The following SEMA5B variants were observed in gnomAD, a reference collection of about 807,000 sequenced individuals.
SEMA5B encodes semaphorin-5B.
SEMA5B carries 66 observed loss-of-function variants against 135.0 expected under a neutral mutation model. The observed-to-expected ratio is 0.49, with a 90% CI of 0.40 to 0.60. The LOEUF (loss-of-function observed/expected upper bound fraction) is 0.60. SEMA5B is among the 20% of genes least tolerant of loss of function. The probability of loss-of-function intolerance (pLI) is 0.00; values close to 1 mark genes in which losing one functional copy is unlikely to be tolerated. For missense variants in SEMA5B, 1,501 were observed against 1,566.3 expected, an observed-to-expected ratio of 0.96 and a Z score of 0.70; for synonymous variants, 690 against 639.5, an observed-to-expected ratio of 1.08 and a Z score of -1.19.
intron 1 of SEMA5B, among the ~76,000 whole-genome samples, chr3:123,005,205 C>CCCA (rs1327595464): frequency 4.6e-5 from 7 of 152,148 alleles, no homozygotes; most frequent in African/African-American, 1.7e-4. Flanking sequence ...TCCACCTGTC[C>CCCA]CCACCCCTGA....
At chr3:122,997,522 C>CT in intron 1 of SEMA5B, among the ~76,000 whole-genome samples, 1 of 152,034 alleles carries the variant, frequency 6.6e-6, no homozygotes, top group Admixed American at 6.5e-5. Context: ...GGCCTCTCCC[C>CT]CCCCCGTCTC....
intron 1 of SEMA5B, among the ~76,000 whole-genome samples, chr3:123,020,506 A>T (rs1322266764): frequency 6.6e-6 from 1 of 152,262 alleles, no homozygotes; most frequent in East Asian, 1.9e-4. Context: ...TTCAGAACAC[A>T]AACAGTAGCT....
chr3:122,999,465 T>C (rs1177850146), intron 1 of SEMA5B, among the ~76,000 whole-genome samples: 1 of 152,122 alleles, frequency 6.6e-6, no homozygotes, highest in African/African-American at 2.4e-5. Flanking sequence ...CCGCAGGTGA[T>C]CCACCCACCT....
intron 1 of SEMA5B, among the ~76,000 whole-genome samples, chr3:123,009,474 C>A (rs1036135321): frequency 2.0e-5 from 3 of 152,066 alleles, no homozygotes; most frequent in Admixed American, 2.0e-4. Flanking sequence ...GCCCACCCAC[C>A]ACTGTATTTA....
At chr3:122,976,413 A>T (rs56853476) in intron 1 of SEMA5B, among the ~76,000 whole-genome samples, 1 of 152,168 alleles carries the variant, frequency 6.6e-6, no homozygotes, top group African/African-American at 2.4e-5. Context: ...ACAGAGAGAA[A>T]TGATGGGTTA....
chr3:122,984,556 A>C (rs545629547), intron 1 of SEMA5B, among the ~76,000 whole-genome samples: 1 of 152,190 alleles, frequency 6.6e-6, no homozygotes, highest in Admixed American at 6.5e-5. Flanking sequence ...AAAAACCCAC[A>C]GCAGAATCCT....
intron 1 of SEMA5B, among the ~76,000 whole-genome samples, chr3:123,020,254 TATAA>T (rs1053414535): frequency 6.6e-6 from 1 of 152,214 alleles, no homozygotes; most frequent in Non-Finnish European, 1.5e-5. Flanking sequence ...AGGCAGCCAT[TATAA>T]AGCCCATCTT....
chr3:123,005,358 T>G (rs1001940521), intron 1 of SEMA5B, among the ~76,000 whole-genome samples: 31 of 152,250 alleles, frequency 2.0e-4, no homozygotes, highest in African/African-American at 6.7e-4. Flanking sequence ...CTTCATTTGA[T>G]GCTTATTATT....
At chr3:122,964,150 C>T (rs74853290) in intron 1 of SEMA5B, among the ~76,000 whole-genome samples, 1,695 of 152,280 alleles carry the variant, frequency 0.011, 35 homozygotes, top group African/African-American at 0.039. Context: ...TGTTCCTCAT[C>T]TCTGTCATTG....
At chr3:122,963,424 C>T (rs558358278) in intron 1 of SEMA5B, among the ~76,000 whole-genome samples, 3 of 149,514 alleles carry the variant, frequency 2.0e-5, no homozygotes, top group African/African-American at 5.0e-5. Flanking sequence ...ACCCAGGAGG[C>T]GGAGGTTGTA....
chr3:122,910,498 C>A (rs561345749), intron 22 of SEMA5B, among the ~76,000 whole-genome samples, 197 bp from the exon 23 acceptor site: 6 of 152,194 alleles, frequency 3.9e-5, no homozygotes, highest in Non-Finnish European at 8.8e-5. Flanking sequence ...GCCCTCCTAC[C>A]CTGCCCTCTG....
chr3:122,967,957 G>A (rs538262531), intron 1 of SEMA5B, among the ~76,000 whole-genome samples: 164 of 152,328 alleles, frequency 1.1e-3, no homozygotes, highest in Non-Finnish European at 2.0e-3. Flanking sequence ...ACCATGCACC[G>A]GGCCCAGCCC....
At chr3:122,953,745 G>A (rs1162010846) in intron 2 of SEMA5B, among the ~76,000 whole-genome samples, 1 of 152,218 alleles carries the variant, frequency 6.6e-6, no homozygotes, top group Non-Finnish European at 1.5e-5. Flanking sequence ...CACTGGAAAT[G>A]TTATGGGGTC....
chr3:122,914,163 C>T (rs1937938773), intron 14 of SEMA5B, among the ~76,000 whole-genome samples, 162 bp from the exon 15 acceptor site: 1 of 152,236 alleles, frequency 6.6e-6, no homozygotes, highest in Non-Finnish European at 1.5e-5. Flanking sequence ...CAGACTCGCT[C>T]ATCCATCCGT....
chr3:122,958,161 G>A (rs1940416847), intron 2 of SEMA5B: 1 of 152,306 alleles, frequency 6.6e-6, no homozygotes, highest in African/African-American at 2.4e-5. Flanking sequence ...AGGCCTGACA[G>A]CCAGGGGCCA....
At chr3:123,021,592 A>G (rs1419335798) in intron 1 of SEMA5B, among the ~76,000 whole-genome samples, 1 of 152,154 alleles carries the variant, frequency 6.6e-6, no homozygotes, top group Non-Finnish European at 1.5e-5. Context: ...TGGCTAGGGC[A>G]GTAGGGAGGG....
At chr3:123,000,185 G>A (rs1942134957) in intron 1 of SEMA5B, among the ~76,000 whole-genome samples, 1 of 152,182 alleles carries the variant, frequency 6.6e-6, no homozygotes, top group African/African-American at 2.4e-5. Context: ...TCTATCCTGG[G>A]CAACAGAGTA....
At chr3:122,926,812 G>A in intron 8 of SEMA5B, 135 bp from the exon 9 acceptor site, 3 of 975,512 alleles carry the variant, frequency 3.1e-6, no homozygotes, top group Non-Finnish European at 4.6e-6. Flanking sequence ...TTGGTGACCT[G>A]GGGGCCCTAA....
intron 1 of SEMA5B, among the ~76,000 whole-genome samples, chr3:122,999,728 T>C (rs4453793): frequency 0.32 from 49,218 of 152,028 alleles, 13,423 homozygotes; most frequent in African/African-American, 0.75. Flanking sequence ...CCATGAAGAC[T>C]GCCAGCATCT....
Sources: gnomAD v4.1 joint callset for allele counts (sites outside exome capture counted in the v4.1 genomes callset) on GRCh38, gnomAD v4.1.1 for gene constraint, MANE v1.5 for transcripts, NCBI Gene and HGNC (gene_info 2026-07-23, HGNC 2026-07-21) for gene names.